Variants in CCDC144A observed in about 807,000 individuals in gnomAD.
CCDC144A encodes the protein coiled-coil domain containing 144A.
In CCDC144A, 41 loss-of-function variants were observed where a neutral mutation model predicts 143.8. The ratio of observed to expected loss-of-function variants is 0.29; its 90% CI spans 0.22 to 0.37. The LOEUF is 0.37. Among genes scored for constraint, CCDC144A ranks in the 10% least tolerant of loss-of-function variants. The pLI is 1.00. For missense variants in CCDC144A, 637 were observed against 1,488.8 expected (o/e 0.43, Z 9.41); for synonymous variants, 242 against 517.9 (o/e 0.47, Z 7.23).
chr17:16,770,505 T>G (rs992325007), intron 15 of CCDC144A, among the ~76,000 whole-genome samples: 4 of 152,118 alleles, frequency 2.6e-5, no homozygotes, highest in Non-Finnish European at 5.9e-5. Context: ...GGTGCTGGCA[T>G]AGAATAACTC....
chr17:16,722,046 C>T (rs1869248815), intron 8 of CCDC144A, among the ~76,000 whole-genome samples: 2 of 152,148 alleles, frequency 1.3e-5, no homozygotes, highest in Non-Finnish European at 2.9e-5. Flanking sequence ...TTCAGTTTTT[C>T]ATCATGACAC....
Position 16,718,496 on chromosome 17 carries a change from T to C in CCDC144A, c.1716-1702T>C, listed in dbSNP as rs115821030. Among the ~76,000 whole-genome samples the C allele has an allele frequency of 2.6e-3, 395 of 152,312 alleles. 3 individuals carry two copies. The highest frequency in any genetic ancestry group is 9.2e-3 in the African/African-American group (384 of 41,564). On this transcript the variant is annotated intron_variant, in intron 6 of 16. Transcript: ENST00000399273. ...ATTGTCCTTAAAGTGTTTATTCACG[T>C]AGAGTTTTATGGTAAGAGTTTGTTC...
chr17:16,746,410 T>C, intron 12 of CCDC144A: 1 of 1,552,652 alleles, frequency 6.4e-7, no homozygotes, highest in Non-Finnish European at 8.9e-7. Context: ...TTTTAATATA[T>C]TCCAAAAGAG....
At chr17:16,714,527 T>G (rs1912630875) in intron 6 of CCDC144A, among the ~76,000 whole-genome samples, 1 of 152,170 alleles carries the variant, frequency 6.6e-6, no homozygotes, top group African/African-American at 2.4e-5. Context: ...ATCTAATCTG[T>G]CAGCAGATCT....
At chr17:16,740,077 A>C (rs1424072527) in intron 12 of CCDC144A, among the ~76,000 whole-genome samples, 11 of 152,076 alleles carry the variant, frequency 7.2e-5, no homozygotes, top group Non-Finnish European at 1.6e-4. Context: ...GACTCCTTCT[A>C]CTATTTACTG....
chr17:16,689,620 A>G (rs549287812), upstream of CCDC144A: 1 of 152,958 alleles, frequency 6.5e-6, no homozygotes, highest in South Asian at 2.1e-4. Flanking sequence ...GACCCTGGGC[A>G]GATGCGCGCA....
chr17:16,714,051 G>A (rs1912602005), intron 6 of CCDC144A, among the ~76,000 whole-genome samples: 1 of 152,038 alleles, frequency 6.6e-6, no homozygotes, highest in South Asian at 2.1e-4. Context: ...GGACCCAATG[G>A]AAAACTCTCT....
At chr17:16,761,128 C>G (rs796611) in intron 12 of CCDC144A, among the ~76,000 whole-genome samples, 32,147 of 146,914 alleles carry the variant, frequency 0.22, 2 homozygotes, top group Non-Finnish European at 0.3. Context: ...GAGATCGAGA[C>G]CATCCTGGCT....
intron 14 of CCDC144A, among the ~76,000 whole-genome samples, chr17:16,763,051 G>A (rs1170887833): frequency 2.6e-5 from 4 of 151,172 alleles, no homozygotes; most frequent in African/African-American, 9.8e-5. Context: ...AGGGTGCCTT[G>A]AGAAGAAGTG....
chr17:16,762,478 G>A lies in CCDC144A; in HGVS notation c.3832G>A (p.Glu1278Lys), dbSNP rs769735623. ...FNKTELERYK[E>K]LYLEEVKVRE... ...TAAAACCGAATTGGAAAGATATAAG[G>A]AACTCTACCTAGAAGAAGTGAAAGT... The change falls in exon 14 of 17, where the codon GAA becomes AAA. Residue 1278 changes from glutamate to lysine, a missense_variant. Physicochemically the swap from Glu to Lys is moderately conservative, Grantham distance 56. Coordinates refer to ENST00000399273, the MANE Select transcript of CCDC144A (RefSeq NM_001382000.1). 4 of 1,594,450 alleles carry A rather than the reference G, an allele frequency of 2.5e-6. No individual in the cohort carries two copies. Among genetic ancestry groups the A allele is most frequent in the East Asian group, 4.6e-5 (2 of 43,644 alleles).
At chr17:16,751,877 C>T (rs1914811059) in intron 12 of CCDC144A, among the ~76,000 whole-genome samples, 2 of 152,254 alleles carry the variant, frequency 1.3e-5, no homozygotes, top group South Asian at 4.1e-4. Context: ...CGCACTCACC[C>T]AACCAGGCCT....
the CCDC144A span, chr17:16,684,157 A>C: frequency 7.7e-6 from 9 of 1,166,448 alleles, no homozygotes; most frequent in Non-Finnish European, 1.2e-5. Flanking sequence ...AGACAAGTGC[A>C]GGGAAAGAGG....
At position 16,711,716 on chromosome 17, in the gene CCDC144A, C is replaced by T. The variant is rs1458129043; in HGVS notation, c.1616C>T (p.Thr539Ile). 6.3e-7 allele frequency: 1 copy of T among 1,591,978 alleles called. No homozygotes were observed. Among genetic ancestry groups the T allele is most frequent in the East Asian group, 2.2e-5 (1 of 44,774 alleles). The change falls in exon 6 of 17, where the codon ACA (threonine) becomes ATA (isoleucine). Residue 539 changes from threonine (T) to isoleucine (I), a missense_variant. By Grantham distance (89) the Thr-to-Ile change is moderately conservative (BLOSUM62 -1). Transcript: ENST00000399273. ...ATGGAGAAGCACAGAAGTAATAGCA[C>T]AGAATTATCAGGAACCCTAACTGAT... ...EEMEKHRSNS[T>I]ELSGTLTDGT...
upstream of CCDC144A, among the ~76,000 whole-genome samples, chr17:16,685,445 G>A (rs1221773247): frequency 6.6e-6 from 1 of 151,950 alleles, no homozygotes; most frequent in Non-Finnish European, 1.5e-5. Context: ...AAATGGCGTG[G>A]TCTCGGCTCA....
At position 16,711,136 on chromosome 17, in the gene CCDC144A, G is replaced by GAAAAAAAAAAAAAAAAAAAA. The variant is rs1210697273; in HGVS notation, c.1579-540_1579-521dup. On this transcript the variant is annotated intron_variant, in intron 5 of 16. Transcript: ENST00000399273. ...CTTTTTGATATCCCAGGATTCAAAT[G>GAAAAAAAAAAAAAAAAAAAA]AAAAAAAAAAAAAAAAAAAAAACAA... 2.9e-3 allele frequency among the ~76,000 whole-genome samples: 64 copies of GAAAAAAAAAAAAAAAAAAAA among 21,768 alleles called. 4 individuals carry two copies. The highest frequency in any genetic ancestry group is 5.1e-3 in the Admixed American group (8 of 1,556). 14.3% of individuals were successfully genotyped at this position (21,768 alleles called of 152,430 possible). A position where few individuals can be genotyped will look rare whatever the true frequency, so the allele number is the denominator to read the frequency against.
chr17:16,683,878 C>T, the CCDC144A span: 44 of 1,365,048 alleles, frequency 3.2e-5, no homozygotes, highest in Middle Eastern at 2.5e-4. Flanking sequence ...ACTTCGTCGT[C>T]GTCTACGCTG....
the CCDC144A span, among the ~76,000 whole-genome samples, chr17:16,677,447 C>A: frequency 6.6e-6 from 1 of 152,050 alleles, no homozygotes; most frequent in Non-Finnish European, 1.5e-5. Flanking sequence ...TAGACCAAAT[C>A]TTATTGTCCC....
intron 15 of CCDC144A, chr17:16,766,942 G>A (rs894996898): frequency 1.6e-4 from 25 of 151,934 alleles, no homozygotes; most frequent in African/African-American, 6.1e-4. Flanking sequence ...TTTCCTTGTG[G>A]GGCATTTTTT....
intron 8 of CCDC144A, chr17:16,727,043 CT>C (rs1167471672): frequency 9.3e-6 from 1 of 107,406 alleles, no homozygotes; most frequent in Non-Finnish European, 1.8e-5. Context: ...TGTCTGTTTT[CT>C]TTTTGGTTGT....
Sources: allele counts gnomAD v4.1 joint callset (sites outside exome capture counted in the v4.1 genomes callset), GRCh38; gene constraint gnomAD v4.1.1; transcripts MANE v1.5; gene names NCBI Gene and HGNC (gene_info 2026-07-23, HGNC 2026-07-21).